The following ANO1 variants were observed in gnomAD, a reference collection of about 807,000 sequenced individuals.
ANO1 encodes anoctamin 1, also known as anoctamin-1.
Under a neutral mutation model 124.0 loss-of-function variants are expected in ANO1, and 59 were observed. The ratio of observed to expected loss-of-function variants is 0.48; its 90% CI spans 0.39 to 0.59. The LOEUF is 0.59. Among genes scored for constraint, ANO1 ranks in the 20% least tolerant of loss-of-function variants. ANO1 has a pLI of 0.00. For synonymous variants in ANO1, 529 were observed against 532.0 expected (o/e 0.99, Z 0.08); for missense variants, 1,059 against 1,328.0 (o/e 0.80, Z 3.15).
rs182100509 is a variant in ANO1, at chr11:69,995,625, G to A, written c.58+9459G>A. 7.2e-5 allele frequency among the ~76,000 whole-genome samples: 11 copies of A among 152,248 alleles called. 1 individual carries two copies. Among genetic ancestry groups the A allele is most frequent in the Admixed American group, 5.9e-4 (9 of 15,298 alleles). The stretch of plus-strand genomic sequence containing the variant: ...GTCTTTTGTAGACTGTCCCTCAACT[G>A]GAACTTTCTTCTCATTATTCAGCTG... On this transcript the variant is annotated intron_variant, in intron 1 of 27. Transcript: ENST00000531349.
intron 2 of ANO1, among the ~76,000 whole-genome samples, chr11:70,092,424 A>G (rs777044541): frequency 6.6e-6 from 1 of 152,122 alleles, no homozygotes; most frequent in Non-Finnish European, 1.5e-5. Context: ...GGCAGGCTGG[A>G]GCACGCGGGT....
At chr11:70,088,204 A>T in intron 2 of ANO1, 120 bp downstream of exon 2, 1 of 788,980 alleles carries the variant, frequency 1.3e-6, no homozygotes, top group Non-Finnish European at 1.9e-6. Flanking sequence ...TTTAGCTTTA[A>T]GCTGTTCTTA....
upstream of ANO1, among the ~76,000 whole-genome samples, chr11:69,982,016 C>T (rs1383580045): frequency 1.3e-5 from 2 of 152,000 alleles, no homozygotes; most frequent in Non-Finnish European, 2.9e-5. Flanking sequence ...CAATGGTTGC[C>T]AGGGACTGGG....
At chr11:70,120,793 C>CCT (rs2046232034) in intron 8 of ANO1, among the ~76,000 whole-genome samples, 1 of 152,160 alleles carries the variant, frequency 6.6e-6, no homozygotes, top group African/African-American at 2.4e-5. Context: ...AAGAGAGACG[C>CCT]CTGAGGGTTG....
intron 1 of ANO1, among the ~76,000 whole-genome samples, chr11:70,042,085 G>A (rs945605380): frequency 2.0e-5 from 3 of 149,104 alleles, no homozygotes; most frequent in Admixed American, 6.8e-5. Flanking sequence ...GGGTGAGCTC[G>A]ATGGTCGTAA....
chr11:70,093,451 A>G (rs755395677), intron 2 of ANO1, among the ~76,000 whole-genome samples: 1 of 152,168 alleles, frequency 6.6e-6, no homozygotes, highest in Non-Finnish European at 1.5e-5. Context: ...TTTGAAGTCC[A>G]GCCTCAAAGC....
At chr11:69,981,170 G>C (rs1217746651), upstream of ANO1, among the ~76,000 whole-genome samples, 1 of 152,254 alleles carries the variant, frequency 6.6e-6, no homozygotes, top group Non-Finnish European at 1.5e-5. Flanking sequence ...GGGACATGGA[G>C]CTTGGAAGAC....
intron 1 of ANO1, among the ~76,000 whole-genome samples, chr11:70,048,525 A>G (rs1384556766): frequency 6.6e-6 from 1 of 152,098 alleles, no homozygotes; most frequent in Non-Finnish European, 1.5e-5. Context: ...CAGAAAATCC[A>G]AACCTTGAAA....
At chr11:70,019,041 G>A (rs935981518) in intron 1 of ANO1, among the ~76,000 whole-genome samples, 1 of 152,246 alleles carries the variant, frequency 6.6e-6, no homozygotes, top group East Asian at 1.9e-4. Flanking sequence ...TGGCGGAGGG[G>A]GGCCTGTCCT....
chr11:70,045,495 A>T (rs576334681), intron 1 of ANO1, among the ~76,000 whole-genome samples: 2 of 152,208 alleles, frequency 1.3e-5, no homozygotes, highest in Non-Finnish European at 2.9e-5. Flanking sequence ...CGGCCCTAAA[A>T]TTCTATGATT....
At chr11:70,146,283 G>A (rs978461199) in intron 11 of ANO1, among the ~76,000 whole-genome samples, 1 of 152,238 alleles carries the variant, frequency 6.6e-6, no homozygotes, top group Non-Finnish European at 1.5e-5. Flanking sequence ...TCTCCAGTTT[G>A]TAAATCTATG....
intron 25 of ANO1, among the ~76,000 whole-genome samples, chr11:70,187,080 G>A (rs910552099): frequency 2.0e-5 from 3 of 152,332 alleles, no homozygotes; most frequent in Middle Eastern, 3.4e-3. Flanking sequence ...GAGATGGGAT[G>A]GGGCATAAGT....
At chr11:70,145,943 CAAAAAAAA>C (rs10589426) in intron 11 of ANO1, among the ~76,000 whole-genome samples, 2 of 108,702 alleles carry the variant, frequency 1.8e-5, no homozygotes, top group African/African-American at 3.5e-5. Flanking sequence ...TCTCAAAAAA[CAAAAAAAA>C]AAAAAAAAAA....
the ANO1 span, among the ~76,000 whole-genome samples, chr11:69,977,101 G>A: frequency 9.2e-5 from 14 of 152,314 alleles, 1 homozygote; most frequent in Admixed American, 3.9e-4. Context: ...GCAGGGAGGC[G>A]GCCAACCAGC....
chr11:70,177,749 G>T (rs993285505), intron 22 of ANO1, among the ~76,000 whole-genome samples: 2 of 151,736 alleles, frequency 1.3e-5, no homozygotes, highest in African/African-American at 2.4e-5. Flanking sequence ...ACAGGCGCCC[G>T]CCACCACACT....
intron 1 of ANO1, among the ~76,000 whole-genome samples, chr11:70,031,279 G>A (rs370216267): frequency 6.6e-6 from 1 of 152,262 alleles, no homozygotes; most frequent in African/African-American, 2.4e-5. Context: ...ATACAACATG[G>A]TATCATCAAA....
At chr11:70,006,775 TTCTCCTGCCTCGACC>T (rs1856499803) in intron 1 of ANO1, among the ~76,000 whole-genome samples, 1 of 148,640 alleles carries the variant, frequency 6.7e-6, no homozygotes, top group Non-Finnish European at 1.5e-5. Flanking sequence ...GTTCAAGTAA[TTCTCCTGCCTCGACC>T]TCCCAAGTAG....
Position 70,188,353 on chromosome 11 carries a change from A to C in ANO1, c.*349A>C. The C allele has an allele frequency of 3.8e-6, 1 of 260,862 alleles. No individual in the cohort carries two copies. Among genetic ancestry groups the C allele is most frequent in the Non-Finnish European group, 7.4e-6 (1 of 135,970 alleles). The allele number at this position is 260,862 out of a possible 1,614,324, so 16.2% of individuals were successfully genotyped here. On this transcript the variant is annotated 3_prime_UTR_variant, in exon 26 of 26. Coordinates refer to ENST00000355303, the MANE Select transcript of ANO1 (RefSeq NM_018043.7). ...TGAAAAGTGAGCAGAGGCCCGTAGA[A>C]ACCCTCCTCTGAATCCTCCTAATTC...
chr11:70,155,815 T>G, intron 14 of ANO1, 96 bp from the exon 15 acceptor site: 5 of 1,197,862 alleles, frequency 4.2e-6, no homozygotes, highest in Non-Finnish European at 5.7e-6. Flanking sequence ...GGGGCCAGCC[T>G]GCTGCCAAGA....
Sources: allele counts gnomAD v4.1 joint callset (sites outside exome capture counted in the v4.1 genomes callset), GRCh38; gene constraint gnomAD v4.1.1; transcripts MANE v1.5; gene names NCBI Gene and HGNC (gene_info 2026-07-23, HGNC 2026-07-21).